Variants in EIF5B observed in about 807,000 individuals in gnomAD.
The protein encoded by EIF5B is eukaryotic translation initiation factor 5B, also known as eIF-5B.
Under a neutral mutation model 147.5 loss-of-function variants are expected in EIF5B, and 47 were observed. That is an observed-to-expected ratio of 0.32 (90% CI 0.25 to 0.41). EIF5B has a LOEUF of 0.41. Among genes scored for constraint, EIF5B ranks in the 10% least tolerant of loss-of-function variants. EIF5B has a pLI of 1.00. For synonymous variants in EIF5B, 455 were observed against 456.2 expected, an observed-to-expected ratio of 1.00 and a Z score of 0.03; for missense variants, 1,064 against 1,413.2, an observed-to-expected ratio of 0.75 and a Z score of 3.96.
intron 1 of EIF5B, among the ~76,000 whole-genome samples, chr2:99,338,716 G>A (rs2094250392): frequency 6.6e-6 from 1 of 151,952 alleles, no homozygotes; most frequent in African/African-American, 2.4e-5. Context: ...GAGAAAATAA[G>A]GATTATGGGT....
chr2:99,371,854 C>T (rs1674457958), intron 9 of EIF5B, 124 bp downstream of exon 9: 2 of 784,738 alleles, frequency 2.5e-6, no homozygotes, highest in Non-Finnish European at 3.6e-6. Flanking sequence ...AGGGATAAGT[C>T]TCTTGTTCTC....
At chr2:99,341,055 C>T (rs111535871) in intron 1 of EIF5B, among the ~76,000 whole-genome samples, 11 of 152,190 alleles carry the variant, frequency 7.2e-5, no homozygotes, top group African/African-American at 2.2e-4. Context: ...TGATTCACCA[C>T]GCTCAGCCCC....
At position 99,361,535 on chromosome 2, in the gene EIF5B, A is replaced by G. The variant is rs1559248568; in HGVS notation, c.634A>G (p.Ile212Val). 3 of 1,613,954 alleles carry G rather than the reference A, an allele frequency of 1.9e-6. No individual in the cohort carries two copies. Among genetic ancestry groups the G allele is most frequent in the Non-Finnish European group, 2.5e-6 (3 of 1,179,988 alleles). Residue 212 changes from isoleucine to valine, a missense_variant, in exon 4 of 24, where the codon ATA (isoleucine) becomes GTA (valine). Physicochemically the swap from Ile to Val is conservative, Grantham distance 29. Coordinates refer to ENST00000289371, the MANE Select transcript of EIF5B (RefSeq NM_015904.4). ...TCAGAAAAACAAGCCAGGTCCTAAC[A>G]TAGAAAGTGGGAATGAAGATGATGA... ...KNQKNKPGPN[I>V]ESGNEDDDAS...
chr2:99,354,279 T>C (rs575893042), intron 1 of EIF5B, among the ~76,000 whole-genome samples: 1 of 152,338 alleles, frequency 6.6e-6, no homozygotes, highest in South Asian at 2.1e-4. Context: ...GTGGTTTTAA[T>C]TTGCATTTCC....
At position 99,364,331 on chromosome 2, in the gene EIF5B, C is replaced by A. The variant is rs1347893513; in HGVS notation, c.1198C>A (p.Arg400Ser). Residue 400 changes from arginine (R) to serine (S), a missense_variant, in exon 6 of 24, where the codon CGC becomes AGC. By Grantham distance (110) the Arg-to-Ser change is moderately radical. Transcript: ENST00000289371. ...KKQKEKERKERLKKEGKLLTK... is the reference protein window; with the variant it reads ...KKQKEKERKESLKKEGKLLTK... ...GCAAAAAGAAAAAGAAAGAAAAGAA[C>A]GCTTGAAAAAAGAAGGGAAACTTTT... 1.2e-6 allele frequency: 2 copies of A among 1,609,178 alleles called. No homozygotes were observed. The highest frequency in any genetic ancestry group is 1.7e-6 in the Non-Finnish European group (2 of 1,178,530).
intron 6 of EIF5B, among the ~76,000 whole-genome samples, chr2:99,366,384 G>T (rs1261909719): frequency 6.6e-6 from 1 of 152,142 alleles, no homozygotes; most frequent in African/African-American, 2.4e-5. Flanking sequence ...AGGCTGCTAG[G>T]CAAGGAAAAC....
At chr2:99,376,863 TTTC>T (rs1420223088) in intron 10 of EIF5B, among the ~76,000 whole-genome samples, 1 of 152,206 alleles carries the variant, frequency 6.6e-6, no homozygotes, top group Non-Finnish European at 1.5e-5. Context: ...ACTTCATTTT[TTTC>T]TTGTTTTCTC....
At chr2:99,355,986 A>C (rs1674089789) in intron 1 of EIF5B, among the ~76,000 whole-genome samples, 1 of 152,160 alleles carries the variant, frequency 6.6e-6, no homozygotes, top group South Asian at 2.1e-4. Context: ...CAGAGTCTCC[A>C]TGTGCCCCAC....
chr2:99,338,963 T>C (rs75851881), intron 1 of EIF5B, among the ~76,000 whole-genome samples: 2 of 81,656 alleles, frequency 2.4e-5, no homozygotes, highest in Non-Finnish European at 5.9e-5. Flanking sequence ...CACATATATA[T>C]AAATATATAT....
Position 99,390,583 on chromosome 2 carries a change from A to G in EIF5B, c.2626A>G (p.Ile876Val). The change falls in exon 17 of 24, where the codon ATC (isoleucine) becomes GTC (valine). Residue 876 changes from isoleucine (I) to valine (V), a missense_variant. Coordinates refer to ENST00000289371, the MANE Select transcript of EIF5B (RefSeq NM_015904.4). ...GGGGATGGGCACCACTATAGATGTC[A>G]TCTTGATCAATGGGCGTTTGAAGGA... ...LPGMGTTIDV[I>V]LINGRLKEGD... 1 of 1,612,906 alleles carries G rather than the reference A, an allele frequency of 6.2e-7. No homozygotes were observed. The highest frequency in any genetic ancestry group is 8.5e-7 in the Non-Finnish European group (1 of 1,179,038).
intron 1 of EIF5B, among the ~76,000 whole-genome samples, chr2:99,345,453 G>A (rs2094270629): frequency 1.3e-5 from 2 of 152,058 alleles, no homozygotes; most frequent in Non-Finnish European, 2.9e-5. Flanking sequence ...AATTAGCCAG[G>A]TGTGGTGGTG....
chr2:99,367,403 CT>C (rs1178857693), intron 6 of EIF5B, among the ~76,000 whole-genome samples: 2 of 150,896 alleles, frequency 1.3e-5, no homozygotes, highest in African/African-American at 2.4e-5. Context: ...AAAGAGAAAC[CT>C]TTACCACATT....
In EIF5B at chr2:99,390,672, G is replaced by A. The variant is rs571959369; in HGVS notation, c.2715G>A (p.Leu905=). Reference sequence around the variant, plus strand: ...TTGTAACTCAGATTCGAGGCCTCCTGTTACCTCCTCCTATGAAGGAATTAC... The same window carrying A: ...TTGTAACTCAGATTCGAGGCCTCCTATTACCTCCTCCTATGAAGGAATTAC... ...GPIVTQIRGL[L]LPPPMKELRV... Residue 905 remains leucine (L), a synonymous_variant, in exon 17 of 24, where the codon CTG becomes CTA. Coordinates refer to ENST00000289371, the MANE Select transcript of EIF5B (RefSeq NM_015904.4). 13 of 1,609,222 alleles carry A rather than the reference G, an allele frequency of 8.1e-6. No individual in the cohort carries two copies. In the African/African-American group the frequency reaches 1.7e-4, roughly 21 times the overall value.
chr2:99,391,164 A>T (rs919041222), intron 17 of EIF5B, among the ~76,000 whole-genome samples: 1 of 152,232 alleles, frequency 6.6e-6, no homozygotes, highest in Admixed American at 6.5e-5. Context: ...AAAACAAGCT[A>T]GAGAAAAGAA....
Position 99,399,451 on chromosome 2 carries a change from T to C in EIF5B, c.*37T>C, listed in dbSNP as rs762945926. The C allele has an allele frequency of 1.4e-5, 22 of 1,578,114 alleles. No individual in the cohort carries two copies. Among genetic ancestry groups the C allele is most frequent in the Non-Finnish European group, 1.9e-5 (22 of 1,149,488 alleles). ...GGAGCAGGAACTGGAGTAAATGCAA[T>C]ACTGTGTTGTAATATCCCAACAAAA... On this transcript the variant is annotated 3_prime_UTR_variant, in exon 24 of 24. Transcript: ENST00000289371.
chr2:99,356,151 T>A (rs1339164991), intron 1 of EIF5B, among the ~76,000 whole-genome samples: 1 of 152,210 alleles, frequency 6.6e-6, no homozygotes, highest in African/African-American at 2.4e-5. Flanking sequence ...GATACCACAT[T>A]ACATTTAGTC....
chr2:99,369,485 G>A lies in EIF5B; in HGVS notation c.1477+4G>A, dbSNP rs756984540. ...ACACCACCTCCTGTTGAACCAGGCG[G>A]GTAGTGTTATCTGATTATTTAATTA... On this transcript the variant is annotated splice_donor_region_variant and intron_variant, in intron 8 of 23. Coordinates refer to ENST00000289371, the MANE Select transcript of EIF5B (RefSeq NM_015904.4). 1 of 1,603,954 alleles carries A rather than the reference G, an allele frequency of 6.2e-7. No homozygotes were observed. The highest frequency in any genetic ancestry group is 1.7e-5 in the Admixed American group (1 of 58,980).
intron 8 of EIF5B, among the ~76,000 whole-genome samples, chr2:99,370,018 G>A (rs1674412177): frequency 6.6e-6 from 1 of 152,040 alleles, no homozygotes; most frequent in African/African-American, 2.4e-5. Flanking sequence ...AGTAGGTTTT[G>A]GATTTTCTCT....
chr2:99,366,443 G>T (rs1023025844), intron 6 of EIF5B, among the ~76,000 whole-genome samples: 3 of 151,978 alleles, frequency 2.0e-5, no homozygotes, highest in African/African-American at 4.8e-5. Context: ...CTCTTTCTTT[G>T]GTTTGTTTAA....
Sources: allele counts gnomAD v4.1 joint callset (sites outside exome capture counted in the v4.1 genomes callset), GRCh38; gene constraint gnomAD v4.1.1; transcripts MANE v1.5; gene names NCBI Gene and HGNC (gene_info 2026-07-23, HGNC 2026-07-21).